GIGYF2: variants seen among roughly 807,000 people sequenced by gnomAD.
GIGYF2 encodes GRB10-interacting GYF protein 2.
A neutral mutation model predicts 208.1 loss-of-function variants in GIGYF2; 25 were observed. The observed-to-expected ratio is 0.12, with a 90% confidence interval of 0.09 to 0.17. GIGYF2 has a LOEUF of 0.17. Ranked by LOEUF, GIGYF2 falls within the 10% of genes least tolerant of loss-of-function variation. The pLI, the probability that GIGYF2 is intolerant of heterozygous loss-of-function variation, is 1.00. For missense variants in GIGYF2, 1,302 were observed against 1,579.4 expected (o/e 0.82, Z 2.98); for synonymous variants, 534 against 543.8 (o/e 0.98, Z 0.25).
chr2:232,738,042 G>A (rs988225468), intron 3 of GIGYF2, among the ~76,000 whole-genome samples: 9 of 150,318 alleles, frequency 6.0e-5, no homozygotes, highest in East Asian at 4.0e-4. Flanking sequence ...TCAACCTCCT[G>A]AGTAGCTGAG....
intron 8 of GIGYF2, among the ~76,000 whole-genome samples, chr2:232,769,714 C>T (rs551977443): frequency 1.6e-4 from 25 of 151,860 alleles, no homozygotes; most frequent in African/African-American, 5.8e-4. Flanking sequence ...ATTTTGTTGG[C>T]GGGCTGTTGG....
chr2:232,812,622 TTTTTTACTAGA>T (rs755550307), intron 18 of GIGYF2, 131 bp downstream of exon 18: 1 of 637,656 alleles, frequency 1.6e-6, no homozygotes, highest in Non-Finnish European at 2.8e-6. Context: ...AAAAGGTCCA[TTTTTTACTAGA>T]TCCAAGCAAT....
chr2:232,753,384 A>G (rs1698407010), intron 5 of GIGYF2, among the ~76,000 whole-genome samples: 2 of 152,092 alleles, frequency 1.3e-5, no homozygotes. Flanking sequence ...TTGGCCTCCC[A>G]AAGTGATGGG....
intron 17 of GIGYF2, 26 bp from the exon 18 acceptor site, chr2:232,812,347 TGCAAATGACAAGAACAAG>T: frequency 1.2e-6 from 1 of 830,698 alleles, no homozygotes; most frequent in Non-Finnish European, 2.1e-6. Context: ...TTTTTTTTCC[TGCAAATGACAAGAACAAG>T]TTAATTTTTT....
At chr2:232,706,630 T>C (rs1450091535) in intron 2 of GIGYF2, among the ~76,000 whole-genome samples, 1 of 151,820 alleles carries the variant, frequency 6.6e-6, no homozygotes, top group Non-Finnish European at 1.5e-5. Context: ...ATACAAAAAT[T>C]AGCCGGGTGT....
intron 6 of GIGYF2, among the ~76,000 whole-genome samples, chr2:232,757,212 C>G (rs1272089339): frequency 1.4e-5 from 2 of 146,826 alleles, no homozygotes; most frequent in African/African-American, 2.4e-5. Context: ...TTGTGCATTC[C>G]TGGGAAGAGA....
chr2:232,762,336 T>G (rs1698778160), intron 8 of GIGYF2, among the ~76,000 whole-genome samples: 3 of 149,504 alleles, frequency 2.0e-5, no homozygotes. Flanking sequence ...CACTGCAACC[T>G]ATGCCTCCCG....
At position 232,824,395 on chromosome 2, in the gene GIGYF2, G is replaced by A. The variant is rs893722162; in HGVS notation, c.2529+4410G>A. 5.3e-5 allele frequency among the ~76,000 whole-genome samples: 8 copies of A among 152,344 alleles called. No individual in the cohort carries two copies. In the South Asian group the frequency reaches 8.3e-4, roughly 16 times the overall value. On this transcript the variant is annotated intron_variant, in intron 21 of 28. Coordinates refer to ENST00000373563, the MANE Select transcript of GIGYF2 (RefSeq NM_001103146.3). ...AAAAGTGCTACTCCAGTGAACACAT[G>A]AATGACAAGAAAGCCAAACAGCCTT... is the stretch of plus-strand genomic sequence containing the variant.
At chr2:232,716,293 C>G (rs1696673766) in intron 2 of GIGYF2, among the ~76,000 whole-genome samples, 1 of 150,790 alleles carries the variant, frequency 6.6e-6, no homozygotes, top group South Asian at 2.1e-4. Flanking sequence ...ATGAGTCTTG[C>G]TTCATTTGAA....
At chr2:232,727,344 A>G (rs1039088968) in intron 2 of GIGYF2, among the ~76,000 whole-genome samples, 1 of 152,224 alleles carries the variant, frequency 6.6e-6, no homozygotes, top group African/African-American at 2.4e-5. Context: ...ATATTGAGAG[A>G]ATTGCCTGTC....
intron 2 of GIGYF2, among the ~76,000 whole-genome samples, chr2:232,724,321 G>A (rs1418119287): frequency 1.1e-4 from 17 of 149,294 alleles, no homozygotes; most frequent in African/African-American, 3.5e-4. Context: ...GCCTCCTAAC[G>A]TGCTGGGATT....
At chr2:232,741,743 C>G (rs1213197487) in intron 3 of GIGYF2, among the ~76,000 whole-genome samples, 2 of 152,038 alleles carry the variant, frequency 1.3e-5, no homozygotes, top group African/African-American at 2.4e-5. Context: ...TGTGCCTGGC[C>G]CCTGGCTTCC....
intron 2 of GIGYF2, chr2:232,705,761 T>G: frequency 6.5e-6 from 1 of 153,668 alleles, no homozygotes; most frequent in East Asian, 1.9e-4. Flanking sequence ...TGGAGTGCAA[T>G]GGCACGATCT....
At chr2:232,730,393 T>C (rs2106287929) in intron 2 of GIGYF2, among the ~76,000 whole-genome samples, 1 of 136,674 alleles carries the variant, frequency 7.3e-6, no homozygotes, top group South Asian at 2.4e-4. Flanking sequence ...TCATTTAAGG[T>C]TGGGAGTTCG....
At chr2:232,817,594 G>A (rs1222022452) in intron 20 of GIGYF2, among the ~76,000 whole-genome samples, 1 of 152,180 alleles carries the variant, frequency 6.6e-6, no homozygotes, top group African/African-American at 2.4e-5. Context: ...CTGTGTCTGT[G>A]AATTTAAACT....
At chr2:232,797,397 C>G (rs2106370616) in intron 14 of GIGYF2, among the ~76,000 whole-genome samples, 1 of 152,148 alleles carries the variant, frequency 6.6e-6, no homozygotes, top group African/African-American at 2.4e-5. Context: ...TCCCCTTACC[C>G]TGCCTATTCT....
chr2:232,783,739 T>C (rs1699801621), intron 8 of GIGYF2, among the ~76,000 whole-genome samples: 2 of 152,192 alleles, frequency 1.3e-5, no homozygotes, highest in African/African-American at 4.8e-5. Flanking sequence ...CAGGCTGGAG[T>C]GCAATGGTGC....
At chr2:232,767,291 C>T (rs2106333351) in intron 8 of GIGYF2, 1 of 152,078 alleles carries the variant, frequency 6.6e-6, no homozygotes, top group African/African-American at 2.4e-5. Context: ...CTAAGTAAAG[C>T]TTTATATCTA....
At chr2:232,826,973 G>A (rs1290328625) in intron 21 of GIGYF2, among the ~76,000 whole-genome samples, 1 of 152,158 alleles carries the variant, frequency 6.6e-6, no homozygotes, top group Non-Finnish European at 1.5e-5. Flanking sequence ...GATGATTGTT[G>A]CATTTTTTTA....
Sources: allele counts gnomAD v4.1 joint callset (sites outside exome capture counted in the v4.1 genomes callset), GRCh38; gene constraint gnomAD v4.1.1; transcripts MANE v1.5; gene names NCBI Gene and HGNC (gene_info 2026-07-23, HGNC 2026-07-21).